The following SEL1L3 variants were observed in gnomAD, a reference collection of about 807,000 sequenced individuals.
The protein encoded by SEL1L3 is SEL1L family member 3.
Under a neutral mutation model 142.8 loss-of-function variants are expected in SEL1L3, and 76 were observed. The observed-to-expected ratio is 0.53, with a 90% confidence interval of 0.44 to 0.64. The LOEUF is 0.64. Among genes scored for constraint, SEL1L3 ranks in the 30% least tolerant of loss-of-function variants. The probability of loss-of-function intolerance (pLI) is 0.00; values close to 1 mark genes in which losing one functional copy is unlikely to be tolerated. For synonymous variants in SEL1L3, 504 were observed against 519.6 expected (o/e 0.97, Z 0.41); for missense variants, 1,262 against 1,381.7 (o/e 0.91, Z 1.37).
chr4:25,838,824 T>C (rs1334295276), intron 2 of SEL1L3, among the ~76,000 whole-genome samples: 1 of 152,238 alleles, frequency 6.6e-6, no homozygotes, highest in Non-Finnish European at 1.5e-5. Context: ...GGGACGATTA[T>C]GTAGCCCATT....
chr4:25,724,757 AAAAAAAAAAAAAAAG>A, the SEL1L3 span, among the ~76,000 whole-genome samples: 61 of 94,018 alleles, frequency 6.5e-4, 4 homozygotes, highest in African/African-American at 1.3e-3. Context: ...AAAAAAAAAA[AAAAAAAAAAAAAAAG>A]GAAAAGAAAT....
intron 23 of SEL1L3, among the ~76,000 whole-genome samples, chr4:25,754,555 G>A (rs1249099641): frequency 1.3e-5 from 2 of 151,662 alleles, no homozygotes; most frequent in Admixed American, 1.3e-4. Flanking sequence ...GGGCTGGCAG[G>A]TACCACTGTC....
chr4:25,779,284 C>A, intron 15 of SEL1L3, 81 bp from the exon 16 acceptor site: 4 of 1,505,084 alleles, frequency 2.7e-6, no homozygotes, highest in Admixed American at 1.8e-5. Context: ...ATGCTTTAAG[C>A]CTGATATGAT....
rs199717742 is a variant in SEL1L3 at position 25,818,196 on chromosome 4, C to A, written c.1506G>T (p.Glu502Asp). Residue 502 changes from glutamate to aspartate, a missense_variant, in exon 9 of 24, where the codon GAG becomes GAT. Physicochemically the swap from Glu to Asp is conservative, Grantham distance 45. Transcript: ENST00000399878. ...ACAAGCTGGGGTGTTTGTCTTTCAG[C>A]TCCTTCTCCCAGGGGAAGGCTCTGC... ...SMCRAFPWEK[E>D]LKDKHPSLFQ... The A allele has an allele frequency of 1.2e-6, 2 of 1,607,972 alleles. No homozygotes were observed. The highest frequency in any genetic ancestry group is 2.7e-5 in the African/African-American group (2 of 74,858).
intron 1 of SEL1L3, among the ~76,000 whole-genome samples, chr4:25,852,799 G>A (rs746920224): frequency 6.6e-6 from 1 of 152,120 alleles, no homozygotes; most frequent in Non-Finnish European, 1.5e-5. Flanking sequence ...AACTCACCCA[G>A]GCTCAGCTCT....
intron 6 of SEL1L3, among the ~76,000 whole-genome samples, chr4:25,828,390 GT>G (rs59020419): frequency 2.8e-4 from 39 of 140,750 alleles, no homozygotes; most frequent in East Asian, 6.1e-4. Flanking sequence ...TTATCTTTTC[GT>G]TTTTTTTTTT....
intron 5 of SEL1L3, among the ~76,000 whole-genome samples, 198 bp from the exon 6 acceptor site, chr4:25,830,354 G>C (rs1445459930): frequency 6.6e-6 from 1 of 152,196 alleles, no homozygotes; most frequent in Admixed American, 6.5e-5. Flanking sequence ...AATGTGACTT[G>C]ATGTGATTAA....
At chr4:25,800,933 C>A (rs888945679) in intron 11 of SEL1L3, among the ~76,000 whole-genome samples, 2 of 152,244 alleles carry the variant, frequency 1.3e-5, no homozygotes, top group African/African-American at 4.8e-5. Flanking sequence ...CAGAAACCAA[C>A]CATTCCCAAA....
chr4:25,794,943 A>T (rs980382555), intron 11 of SEL1L3, among the ~76,000 whole-genome samples: 1 of 151,938 alleles, frequency 6.6e-6, no homozygotes, highest in African/African-American at 2.4e-5. Flanking sequence ...TCCTCAGTAA[A>T]CTAACACAGG....
At position 25,779,064 on chromosome 4, in the gene SEL1L3, A is replaced by T. The variant is rs1484636169; in HGVS notation, c.2585+12T>A. 32 of 1,612,466 alleles carry T rather than the reference A, an allele frequency of 2.0e-5. No individual in the cohort carries two copies. The highest frequency in any genetic ancestry group is 2.5e-5 in the Non-Finnish European group (30 of 1,179,044). On this transcript the variant is annotated intron_variant, in intron 16 of 23. Transcript: ENST00000399878. ...GCTTTCCCTTCAAATGCAACGTTTG[A>T]CAGAGTCTTACACAACAGCTTTCTC...
At chr4:25,808,453 T>C (rs943147921) in intron 9 of SEL1L3, among the ~76,000 whole-genome samples, 1 of 152,174 alleles carries the variant, frequency 6.6e-6, no homozygotes, top group Non-Finnish European at 1.5e-5. Context: ...TGTGAGAAGG[T>C]AACCACTTGC....
intron 11 of SEL1L3, among the ~76,000 whole-genome samples, chr4:25,797,405 A>AAAT (rs1349360463): frequency 1.3e-5 from 2 of 152,128 alleles, no homozygotes; most frequent in Non-Finnish European, 2.9e-5. Flanking sequence ...AGCGTGTTTA[A>AAAT]AATCAGCTAT....
chr4:25,830,254 G>T, intron 5 of SEL1L3, 98 bp from the exon 6 acceptor site: 2 of 689,060 alleles, frequency 2.9e-6, no homozygotes, highest in Non-Finnish European at 5.0e-6. Context: ...GTGTTGGAGA[G>T]TCTTTTACCT....
Position 25,790,463 on chromosome 4 carries a change from C to T in SEL1L3, c.2068G>A (p.Ala690Thr). 2 of 1,613,826 alleles carry T rather than the reference C, an allele frequency of 1.2e-6. No individual in the cohort carries two copies. The highest frequency in any genetic ancestry group is 1.7e-6 in the Non-Finnish European group (2 of 1,179,804). The change falls in exon 12 of 24, where the codon GCA (alanine) becomes ACA (threonine). Residue 690 changes from alanine (A) to threonine (T), a missense_variant. Around this residue, in one of 3 missense-constraint regions of SEL1L3, gnomAD observed 435 missense variants for 559.2 expected, o/e 0.78. Coordinates refer to ENST00000399878, the MANE Select transcript of SEL1L3 (RefSeq NM_015187.5). ...LKHEATRGNA[A>T]AQQRLAQMLF... ...GTAGCCTGCGTTTTTACCTGAGCTG[C>T]TGCATTGCCTCGGGTAGCTTCATGC...
chr4:25,847,418 G>A lies in SEL1L3; in HGVS notation c.609C>T (p.Thr203=), dbSNP rs771978285. ...NLLHAVAKNY[T]LLQTIPPFER... is the part of the protein sequence containing the mutation. ...CAAAAGGCGGGATGGTCTGCAGGAG[G>A]GTATAATTCTTTGCTACAGCATGGA... The change falls in exon 2 of 24, where the codon ACC becomes ACT. Residue 203 remains threonine, a synonymous_variant. Transcript: ENST00000399878. 6.2e-7 allele frequency: 1 copy of A among 1,613,786 alleles called. No individual in the cohort carries two copies. The highest frequency in any genetic ancestry group is 1.3e-5 in the African/African-American group (1 of 74,900).
intron 1 of SEL1L3, among the ~76,000 whole-genome samples, chr4:25,855,495 C>G (rs908466741): frequency 6.6e-6 from 1 of 152,122 alleles, no homozygotes; most frequent in Non-Finnish European, 1.5e-5. Context: ...GTGGCTCATG[C>G]CTGTAATCCC....
intron 11 of SEL1L3, among the ~76,000 whole-genome samples, chr4:25,798,375 AT>A (rs1330679083): frequency 2.6e-5 from 4 of 152,206 alleles, no homozygotes; most frequent in Non-Finnish European, 5.9e-5. Context: ...GTATCTGCAT[AT>A]CACATGTATG....
In SEL1L3 at chr4:25,765,399, TG is replaced by T; in HGVS notation, c.2881del (p.His961ThrfsTer33). 1 of 1,613,792 alleles carries T rather than the reference TG, an allele frequency of 6.2e-7. No individual in the cohort carries two copies. Among genetic ancestry groups the T allele is most frequent in the East Asian group, 2.2e-5 (1 of 44,876 alleles). Reference sequence around the variant, plus strand: ...CTCCAGGTCTTGTGACTGGTTTTGGTGGCCATAGTAGTAAAGGTCTCCCATC... The same window carrying T: ...CTCCAGGTCTTGTGACTGGTTTTGGTGCCATAGTAGTAAAGGTCTCCCATC... ...LKMGDLYYYG[H>X]QNQSQDLELS... On this transcript the variant is annotated frameshift_variant, in exon 20 of 24. Transcript: ENST00000399878. LOFTEE classifies it high-confidence loss of function.
intron 19 of SEL1L3, among the ~76,000 whole-genome samples, chr4:25,767,112 T>G (rs1331846570): frequency 2.0e-5 from 3 of 151,984 alleles, no homozygotes; most frequent in Non-Finnish European, 4.4e-5. Context: ...GCCAACATGG[T>G]GAAACCCTAT....
Sources: gnomAD v4.1 joint callset for allele counts (sites outside exome capture counted in the v4.1 genomes callset) on GRCh38, gnomAD v4.1.1 for gene constraint, gnomAD v4.1.1 regional missense constraint, MANE v1.5 for transcripts, NCBI Gene and HGNC (gene_info 2026-07-23, HGNC 2026-07-21) for gene names.